The following CACNA2D3 variants were observed in gnomAD, a reference collection of about 807,000 sequenced individuals.
The protein encoded by CACNA2D3 is voltage-dependent calcium channel subunit alpha-2/delta-3.
In CACNA2D3, 60 loss-of-function variants were observed where a neutral mutation model predicts 160.6. That is an observed-to-expected ratio of 0.37 (90% CI 0.30 to 0.46). The LOEUF (loss-of-function observed/expected upper bound fraction) is 0.46. Ranked by LOEUF, CACNA2D3 falls within the 20% of genes least tolerant of loss-of-function variation. The pLI is 1.00. For missense variants in CACNA2D3, 1,205 were observed against 1,365.0 expected (o/e 0.88, Z 1.85); for synonymous variants, 558 against 492.9 (o/e 1.13, Z -1.75).
At chr3:54,139,367 AC>A (rs1411813911) in intron 2 of CACNA2D3, among the ~76,000 whole-genome samples, 2 of 152,124 alleles carry the variant, frequency 1.3e-5, no homozygotes, top group Non-Finnish European at 2.9e-5. Context: ...CAGCAGACTC[AC>A]GCCTGCCCAC....
At chr3:54,175,242 G>A (rs1371087911) in intron 2 of CACNA2D3, among the ~76,000 whole-genome samples, 1 of 152,142 alleles carries the variant, frequency 6.6e-6, no homozygotes, top group African/African-American at 2.4e-5. Context: ...TTCATAGTTA[G>A]CATTAGCAAA....
intron 29 of CACNA2D3, among the ~76,000 whole-genome samples, chr3:54,976,634 ACT>A (rs1399348528): frequency 6.6e-6 from 1 of 152,146 alleles, no homozygotes; most frequent in Non-Finnish European, 1.5e-5. Context: ...TCTTATTGTT[ACT>A]ATTATTAGTG....
intron 4 of CACNA2D3, among the ~76,000 whole-genome samples, chr3:54,405,213 A>G (rs141402960): frequency 2.6e-5 from 4 of 151,374 alleles, no homozygotes; most frequent in Admixed American, 2.0e-4. Context: ...AAATGTAAAA[A>G]CCCTAAAATT....
intron 3 of CACNA2D3, among the ~76,000 whole-genome samples, chr3:54,334,700 G>A (rs1239461255): frequency 6.6e-6 from 1 of 152,194 alleles, no homozygotes; most frequent in Non-Finnish European, 1.5e-5. Context: ...GCAATCACAC[G>A]AGTGACCTCA....
At chr3:54,729,830 T>A (rs1701351502) in intron 11 of CACNA2D3, among the ~76,000 whole-genome samples, 1 of 151,928 alleles carries the variant, frequency 6.6e-6, no homozygotes, top group Non-Finnish European at 1.5e-5. Context: ...AAACCCCATC[T>A]CTACTAAAAA....
intron 35 of CACNA2D3, among the ~76,000 whole-genome samples, chr3:55,067,020 G>A (rs1402795243): frequency 1.3e-5 from 2 of 151,502 alleles, no homozygotes; most frequent in South Asian, 2.1e-4. Flanking sequence ...AGGCCCCTCC[G>A]AAGCACCATG....
chr3:54,505,072 C>T (rs1237576116), intron 5 of CACNA2D3, among the ~76,000 whole-genome samples: 2 of 152,054 alleles, frequency 1.3e-5, no homozygotes, highest in Non-Finnish European at 2.9e-5. Context: ...ATTTTTCTTA[C>T]GCGTGTTGGA....
At chr3:54,470,039 T>A (rs1700702097) in intron 4 of CACNA2D3, among the ~76,000 whole-genome samples, 1 of 152,130 alleles carries the variant, frequency 6.6e-6, no homozygotes, top group Non-Finnish European at 1.5e-5. Flanking sequence ...TTCCCCAATC[T>A]AGCAAGACAG....
chr3:54,761,395 C>G (rs1029427431), intron 12 of CACNA2D3, among the ~76,000 whole-genome samples: 2 of 152,208 alleles, frequency 1.3e-5, no homozygotes, highest in African/African-American at 2.4e-5. Context: ...TAACGCAGAG[C>G]CCAAGATTTG....
chr3:54,897,053 A>G (rs1700206978), intron 26 of CACNA2D3, 183 bp downstream of exon 26: 1 of 586,682 alleles, frequency 1.7e-6, no homozygotes, highest in African/African-American at 1.9e-5. Context: ...AGCCTCAAAG[A>G]AAAGGAAGGT....
chr3:54,791,222 A>G (rs534453179), intron 13 of CACNA2D3, among the ~76,000 whole-genome samples: 18 of 152,338 alleles, frequency 1.2e-4, no homozygotes, highest in Admixed American at 1.2e-3. Context: ...CCGTGTGCAT[A>G]TGACATTATA....
chr3:54,261,195 C>T (rs952882668), intron 2 of CACNA2D3, among the ~76,000 whole-genome samples: 1 of 152,162 alleles, frequency 6.6e-6, no homozygotes, highest in Non-Finnish European at 1.5e-5. Context: ...TTCAGCTTCT[C>T]TATTATACAG....
In CACNA2D3 at chr3:54,482,091, A is replaced by G. The variant is rs61212128; in HGVS notation, c.382-21401A>G. On this transcript the variant is annotated intron_variant, in intron 4 of 37. Transcript: ENST00000474759. ...ATTCCCAACAAATTACATTTGCTAT[A>G]TTTGGTAACTCTCTAACAGTGTTTC... Among the ~76,000 whole-genome samples, 331 of 152,318 alleles carry G rather than the reference A, an allele frequency of 2.2e-3. 6 individuals are homozygous for G. In the East Asian group the frequency reaches 0.044, roughly 20 times the overall value.
At chr3:54,885,218 G>T in intron 21 of CACNA2D3, 63 bp from the exon 22 acceptor site, 1 of 1,570,626 alleles carries the variant, frequency 6.4e-7, no homozygotes, top group Non-Finnish European at 8.8e-7. Flanking sequence ...TAGAATATTT[G>T]AAGCACACAG....
chr3:54,348,061 G>A (rs746378230), intron 3 of CACNA2D3, among the ~76,000 whole-genome samples: 2 of 152,162 alleles, frequency 1.3e-5, no homozygotes, highest in African/African-American at 2.4e-5. Context: ...AAAGAATTCT[G>A]AGATTATTCT....
At chr3:54,940,123 T>C (rs898616597) in intron 27 of CACNA2D3, among the ~76,000 whole-genome samples, 2 of 152,112 alleles carry the variant, frequency 1.3e-5, no homozygotes, top group African/African-American at 2.4e-5. Context: ...ACTCACCACA[T>C]TGGTGTCTAG....
At chr3:54,168,784 C>T (rs887607896) in intron 2 of CACNA2D3, among the ~76,000 whole-genome samples, 1 of 152,142 alleles carries the variant, frequency 6.6e-6, no homozygotes, top group Middle Eastern at 3.2e-3. Flanking sequence ...GCCAGCATTC[C>T]ACAGAGTCCA....
At chr3:54,228,986 C>G (rs558064803) in intron 2 of CACNA2D3, among the ~76,000 whole-genome samples, 2 of 152,260 alleles carry the variant, frequency 1.3e-5, no homozygotes, top group South Asian at 4.1e-4. Context: ...GGGTATCTCC[C>G]GTGGAGTCAG....
At chr3:55,011,614 A>G (rs1220014420) in intron 34 of CACNA2D3, among the ~76,000 whole-genome samples, 1 of 152,218 alleles carries the variant, frequency 6.6e-6, no homozygotes, top group Non-Finnish European at 1.5e-5. Flanking sequence ...AACCCAGGAA[A>G]CAAAACCGTA....
Sources: gnomAD v4.1 joint callset for allele counts (sites outside exome capture counted in the v4.1 genomes callset) on GRCh38, gnomAD v4.1.1 for gene constraint, MANE v1.5 for transcripts, NCBI Gene and HGNC (gene_info 2026-07-23, HGNC 2026-07-21) for gene names.